Variants in SLC24A3 observed in about 807,000 individuals in gnomAD.
SLC24A3 encodes solute carrier family 24 member 3, also known as sodium/potassium/calcium exchanger 3.
Under a neutral mutation model 75.8 loss-of-function variants are expected in SLC24A3, and 28 were observed. The observed-to-expected ratio is 0.37, with a 90% CI of 0.27 to 0.51. The LOEUF is 0.51. SLC24A3 is among the 20% of genes least tolerant of loss of function. SLC24A3 has a pLI of 0.94. For missense variants in SLC24A3, 663 were observed against 847.8 expected (o/e 0.78, Z 2.71); for synonymous variants, 372 against 334.1 (o/e 1.11, Z -1.24).
chr20:19,467,880 C>CA (rs58937169), intron 2 of SLC24A3, among the ~76,000 whole-genome samples: 1,302 of 104,482 alleles, frequency 0.012, 7 homozygotes, highest in East Asian at 0.017. Context: ...GACCCTGTCT[C>CA]AAAAAAAAAA....
chr20:19,640,187 T>C (rs1296672587), intron 6 of SLC24A3, among the ~76,000 whole-genome samples: 1 of 152,270 alleles, frequency 6.6e-6, no homozygotes, highest in Non-Finnish European at 1.5e-5. Context: ...GCCAGCACGC[T>C]GTCACCTCTC....
At chr20:19,400,084 G>C in intron 2 of SLC24A3, among the ~76,000 whole-genome samples, 1 of 152,058 alleles carries the variant, frequency 6.6e-6, no homozygotes, top group Non-Finnish European at 1.5e-5. Context: ...TAATGTCGTG[G>C]CTCTAATTCT....
intron 2 of SLC24A3, among the ~76,000 whole-genome samples, chr20:19,363,789 AT>A (rs748390506): frequency 2.6e-5 from 4 of 152,196 alleles, no homozygotes; most frequent in African/African-American, 9.6e-5. Context: ...TTTTCTTTGT[AT>A]GTTACACGTA....
intron 2 of SLC24A3, among the ~76,000 whole-genome samples, chr20:19,443,491 G>T (rs972214411): frequency 1.3e-5 from 2 of 152,098 alleles, no homozygotes; most frequent in African/African-American, 4.8e-5. Flanking sequence ...GCTGGTAGTA[G>T]GAAAGCAATT....
chr20:19,526,528 A>G (rs1481420521), intron 3 of SLC24A3, among the ~76,000 whole-genome samples: 2 of 152,158 alleles, frequency 1.3e-5, no homozygotes, highest in African/African-American at 4.8e-5. Context: ...TGGCCATCTA[A>G]TTGACCTTCC....
chr20:19,584,704 A>G (rs2031270079), intron 4 of SLC24A3, among the ~76,000 whole-genome samples: 1 of 152,166 alleles, frequency 6.6e-6, no homozygotes, highest in South Asian at 2.1e-4. Flanking sequence ...GCTCATAAGG[A>G]CATGTAGTTC....
chr20:19,552,008 TTATTTGCCTGGAAGC>T (rs2030704177), intron 3 of SLC24A3, among the ~76,000 whole-genome samples: 1 of 152,218 alleles, frequency 6.6e-6, no homozygotes, highest in Admixed American at 6.5e-5. Flanking sequence ...GCTTGCTCTT[TTATTTGCCTGGAAGC>T]TATTTTCTCA....
At chr20:19,325,795 T>TAGAGAGAGAGAG (rs745745496) in intron 2 of SLC24A3, among the ~76,000 whole-genome samples, 2 of 67,796 alleles carry the variant, frequency 3.0e-5, no homozygotes, top group East Asian at 6.3e-4. Flanking sequence ...TATATATATA[T>TAGAGAGAGAGAG]AGAGAGAGAG....
In SLC24A3 at chr20:19,374,869, G is replaced by A. The variant is rs140902343; in HGVS notation, c.271+93782G>A. ...TGCCAGCCTTTATGGTAGACCAGAA[G>A]TCAGAGGAATGAATGCTTTCTGGAG... On this transcript the variant is annotated intron_variant, in intron 2 of 16. Transcript: ENST00000328041. 1.4e-3 allele frequency among the ~76,000 whole-genome samples: 220 copies of A among 152,326 alleles called. 1 individual carries two copies. Among genetic ancestry groups the A allele is most frequent in the African/African-American group, 5.1e-3 (213 of 41,570 alleles).
intron 2 of SLC24A3, among the ~76,000 whole-genome samples, chr20:19,356,686 A>C (rs1028985530): frequency 1.3e-5 from 2 of 152,174 alleles, no homozygotes; most frequent in African/African-American, 4.8e-5. Context: ...TTTGTCTATC[A>C]GTGGAATGGC....
At chr20:19,647,585 C>T (rs1195246195) in intron 6 of SLC24A3, among the ~76,000 whole-genome samples, 1 of 152,224 alleles carries the variant, frequency 6.6e-6, no homozygotes, top group Non-Finnish European at 1.5e-5. Context: ...TACAGCAGAG[C>T]TGACTCCCTG....
At chr20:19,462,447 C>A (rs1333497662) in intron 2 of SLC24A3, among the ~76,000 whole-genome samples, 1 of 152,106 alleles carries the variant, frequency 6.6e-6, no homozygotes, top group Non-Finnish European at 1.5e-5. Flanking sequence ...CTCCCAGGGG[C>A]TGCTGTTGCC....
In SLC24A3 at chr20:19,703,663, C is replaced by T. The variant is rs967777643; in HGVS notation, c.1719+4983C>T. The stretch of plus-strand genomic sequence containing the variant: ...TCTATTTCAAAGTGAAATATTTCAT[C>T]AAAAATAGTTAAGGAACTAGCCTAT... On this transcript the variant is annotated intron_variant, in intron 15 of 16. Coordinates refer to ENST00000328041, the MANE Select transcript of SLC24A3 (RefSeq NM_020689.4). Among the ~76,000 whole-genome samples the T allele has an allele frequency of 3.3e-5, 5 of 152,146 alleles. No individual in the cohort carries two copies. The South Asian group carries it at 8.3e-4, about 25-fold the overall frequency.
At chr20:19,393,585 A>G (rs978775835) in intron 2 of SLC24A3, among the ~76,000 whole-genome samples, 6 of 152,194 alleles carry the variant, frequency 3.9e-5, no homozygotes, top group Admixed American at 3.3e-4. Context: ...AATGAAACCA[A>G]GAAAACAATT....
At chr20:19,340,151 G>T (rs1985235179) in intron 2 of SLC24A3, among the ~76,000 whole-genome samples, 1 of 152,190 alleles carries the variant, frequency 6.6e-6, no homozygotes, top group Admixed American at 6.5e-5. Flanking sequence ...TAGAGATAAG[G>T]TTTTTACAGA....
chr20:19,600,037 G>A (rs1299291609), intron 6 of SLC24A3, among the ~76,000 whole-genome samples: 1 of 152,160 alleles, frequency 6.6e-6, no homozygotes, highest in Non-Finnish European at 1.5e-5. Context: ...TGCTACCTGT[G>A]AAGGTCCAGG....
chr20:19,394,609 A>C (rs1986422334), intron 2 of SLC24A3, among the ~76,000 whole-genome samples: 1 of 152,196 alleles, frequency 6.6e-6, no homozygotes, highest in Non-Finnish European at 1.5e-5. Context: ...GTATGAAAAA[A>C]TGCTCCATGT....
intron 3 of SLC24A3, among the ~76,000 whole-genome samples, chr20:19,563,375 A>G (rs6081658): frequency 0.64 from 97,453 of 152,054 alleles, 32,052 homozygotes; most frequent in South Asian, 0.76. Context: ...GAAACATACA[A>G]AAGAAACTTG....
intron 3 of SLC24A3, among the ~76,000 whole-genome samples, chr20:19,555,980 G>A (rs956224854): frequency 6.6e-6 from 1 of 152,172 alleles, no homozygotes; most frequent in Admixed American, 6.5e-5. Flanking sequence ...GAAATTCCAA[G>A]ATCAAGGAGC....
Sources: allele counts gnomAD v4.1 joint callset (sites outside exome capture counted in the v4.1 genomes callset), GRCh38; gene constraint gnomAD v4.1.1; transcripts MANE v1.5; gene names NCBI Gene and HGNC (gene_info 2026-07-23, HGNC 2026-07-21).